The following CCDC102B variants were observed in gnomAD, a reference collection of about 807,000 sequenced individuals.
The protein encoded by CCDC102B is coiled-coil domain containing 102B.
A neutral mutation model predicts 57.4 loss-of-function variants in CCDC102B; 75 were observed. The ratio of observed to expected loss-of-function variants is 1.31; its 90% CI spans 1.08 to 1.58. The LOEUF (loss-of-function observed/expected upper bound fraction) is 1.58, where lower values mean the gene tolerates loss of function less well. Ranked by LOEUF, CCDC102B falls within the 40% of genes most tolerant of loss-of-function variation. CCDC102B has a pLI of 0.00. For missense variants in CCDC102B, 636 were observed against 582.6 expected, an observed-to-expected ratio of 1.09 and a Z score of -0.94; for synonymous variants, 206 against 201.9, an observed-to-expected ratio of 1.02 and a Z score of -0.17.
intron 6 of CCDC102B, among the ~76,000 whole-genome samples, chr18:68,957,539 G>A (rs953441560): frequency 6.3e-5 from 9 of 142,724 alleles, no homozygotes; most frequent in African/African-American, 2.3e-4. Flanking sequence ...TTTGCAGCCA[G>A]GTAATGTGAT....
chr18:68,944,473 T>C (rs567917970), intron 6 of CCDC102B, among the ~76,000 whole-genome samples: 3 of 150,744 alleles, frequency 2.0e-5, no homozygotes, highest in Non-Finnish European at 4.4e-5. Context: ...GAGGGCCTGC[T>C]TCCTGGTTGG....
At chr18:68,832,873 G>A (rs549249446) in intron 1 of CCDC102B, among the ~76,000 whole-genome samples, 197 of 152,080 alleles carry the variant, frequency 1.3e-3, no homozygotes, top group African/African-American at 4.5e-3. Flanking sequence ...CCAGGTAGCC[G>A]ACACAGGGGA....
At chr18:68,776,671 G>A (rs898440247) in intron 2 of CCDC102B, among the ~76,000 whole-genome samples, 4 of 152,216 alleles carry the variant, frequency 2.6e-5, no homozygotes, top group African/African-American at 9.6e-5. Context: ...AGGGTGGAGA[G>A]TGGGAGGAGG....
intron 6 of CCDC102B, among the ~76,000 whole-genome samples, chr18:69,002,985 C>T (rs1449744098): frequency 1.3e-5 from 2 of 152,138 alleles, no homozygotes; most frequent in Admixed American, 6.6e-5. Flanking sequence ...AGTAAGTCAA[C>T]TCCATGTCAT....
intron 1 of CCDC102B, among the ~76,000 whole-genome samples, chr18:68,834,811 CT>C (rs1423927058): frequency 6.6e-6 from 1 of 151,562 alleles, no homozygotes; most frequent in African/African-American, 2.4e-5. Context: ...ATTATATAGT[CT>C]TTTTTTCCCA....
intron 7 of CCDC102B, among the ~76,000 whole-genome samples, chr18:69,052,323 T>TG (rs2052727474): frequency 6.6e-6 from 1 of 152,076 alleles, no homozygotes; most frequent in Non-Finnish European, 1.5e-5. Context: ...GTGATTAAAC[T>TG]GGATCCCTTC....
chr18:68,821,771 G>A (rs2036700639), intron 1 of CCDC102B, among the ~76,000 whole-genome samples: 1 of 151,816 alleles, frequency 6.6e-6, no homozygotes, highest in Admixed American at 6.6e-5. Flanking sequence ...ATTAGTAACT[G>A]AAACAAGTTT....
rs149559603 is a variant in CCDC102B, at chr18:68,746,678, G to C, written c.-67+30084G>C. On this transcript the variant is annotated intron_variant, in intron 2 of 3. Coordinates refer to the CCDC102B transcript ENST00000578970. ...GTGTTTAAATTTTATCCCTAAATTA[G>C]TAATTTTTCTTTCTTTTCGTCCCAC... Among the ~76,000 whole-genome samples, 197 of 151,844 alleles carry C rather than the reference G, an allele frequency of 1.3e-3. 1 individual carries two copies. In the East Asian group the frequency reaches 0.027, roughly 21 times the overall value.
intron 2 of CCDC102B, among the ~76,000 whole-genome samples, chr18:68,727,986 G>A (rs1414337578): frequency 6.6e-6 from 1 of 152,164 alleles, no homozygotes; most frequent in Non-Finnish European, 1.5e-5. Context: ...AATTCTGAGT[G>A]CAAATCAAAG....
chr18:68,760,473 A>G (rs1362404582), intron 2 of CCDC102B, among the ~76,000 whole-genome samples: 1 of 152,142 alleles, frequency 6.6e-6, no homozygotes, highest in African/African-American at 2.4e-5. Context: ...AATTTTTCTC[A>G]TGAGTTATTA....
intron 7 of CCDC102B, among the ~76,000 whole-genome samples, chr18:69,024,095 A>T (rs2051919800): frequency 6.6e-6 from 1 of 152,188 alleles, no homozygotes; most frequent in Non-Finnish European, 1.5e-5. Flanking sequence ...AAAAAATAAT[A>T]ATGGGAAATA....
rs139943150 is a variant in CCDC102B, at chr18:68,855,004, A to T, written c.936+8583A>T. Among the ~76,000 whole-genome samples the T allele has an allele frequency of 4.0e-3, 611 of 152,264 alleles. 9 individuals are homozygous for T. The highest frequency in any genetic ancestry group is 0.013 in the African/African-American group (558 of 41,550). ...TGCAGAAAATATTTGCACAGGTCAG[A>T]CTCTTATTCCCAAAGATTTCAAGAA... is the stretch of plus-strand genomic sequence containing the variant. On this transcript the variant is annotated intron_variant, in intron 4 of 7. Transcript: ENST00000360242.
intron 6 of CCDC102B, among the ~76,000 whole-genome samples, chr18:68,996,912 C>T (rs2051043801): frequency 6.6e-6 from 1 of 152,174 alleles, no homozygotes; most frequent in South Asian, 2.1e-4. Context: ...CAAATCTCAT[C>T]TTGAATGGTA....
chr18:68,938,367 G>A (rs1400801140), intron 6 of CCDC102B, among the ~76,000 whole-genome samples: 2 of 152,014 alleles, frequency 1.3e-5, no homozygotes, highest in East Asian at 3.9e-4. Context: ...ATACATTTTA[G>A]TACTTTTGAT....
intron 2 of CCDC102B, among the ~76,000 whole-genome samples, chr18:68,742,763 T>G (rs1377990483): frequency 1.3e-5 from 2 of 152,194 alleles, no homozygotes; most frequent in Admixed American, 1.3e-4. Context: ...TTTGCTTCAT[T>G]AACTTCATTA....
intron 6 of CCDC102B, among the ~76,000 whole-genome samples, chr18:68,912,441 T>C (rs1461126966): frequency 2.0e-5 from 3 of 152,240 alleles, no homozygotes; most frequent in Non-Finnish European, 4.4e-5. Flanking sequence ...ATGCAAATTA[T>C]CAGGCCCCAT....
At chr18:68,769,517 C>A (rs2034571541) in intron 2 of CCDC102B, among the ~76,000 whole-genome samples, 1 of 152,060 alleles carries the variant, frequency 6.6e-6, no homozygotes, top group Non-Finnish European at 1.5e-5. Flanking sequence ...TTTCTCCAAC[C>A]CTACGGTTCC....
chr18:68,873,785 T>C (rs747803728), intron 4 of CCDC102B, among the ~76,000 whole-genome samples: 1 of 152,030 alleles, frequency 6.6e-6, no homozygotes, highest in Non-Finnish European at 1.5e-5. Context: ...ATAAGTTGCA[T>C]ACATATTATG....
chr18:68,828,788 CATTATGTGAATAT>C (rs2037020647), intron 1 of CCDC102B, among the ~76,000 whole-genome samples: 1 of 151,292 alleles, frequency 6.6e-6, no homozygotes, highest in Non-Finnish European at 1.5e-5. Context: ...AATATATTTA[CATTATGTGAATAT>C]ATATTTAAAT....
Sources: allele counts gnomAD v4.1 joint callset (sites outside exome capture counted in the v4.1 genomes callset), GRCh38; gene constraint gnomAD v4.1.1; transcripts MANE v1.5; gene names NCBI Gene and HGNC (gene_info 2026-07-23, HGNC 2026-07-21).